GALNT11: variants seen among roughly 807,000 people sequenced by gnomAD.
GALNT11 encodes the protein UDP-GalNAc:polypeptide N-acetylgalactosaminyltransferase 11.
A neutral mutation model predicts 72.7 loss-of-function variants in GALNT11; 47 were observed. That is an observed-to-expected ratio of 0.65 (90% CI 0.51 to 0.82). The LOEUF (loss-of-function observed/expected upper bound fraction) is 0.82. Among genes scored for constraint, GALNT11 ranks in the 40% least tolerant of loss-of-function variants. GALNT11 has a pLI of 0.00. For missense variants in GALNT11, 677 were observed against 778.4 expected (o/e 0.87, Z 1.55); for synonymous variants, 270 against 286.6 (o/e 0.94, Z 0.58).
intron 1 of GALNT11, chr7:152,079,558 C>A (rs904274296): frequency 6.6e-6 from 1 of 152,194 alleles, no homozygotes; most frequent in African/African-American, 2.4e-5. Flanking sequence ...TTTCGATTGT[C>A]TTACAGAGAA....
chr7:152,086,129 G>A (rs2085635781), intron 1 of GALNT11, among the ~76,000 whole-genome samples: 1 of 151,404 alleles, frequency 6.6e-6, no homozygotes, highest in Non-Finnish European at 1.5e-5. Flanking sequence ...CTCGTGATCT[G>A]CCCACCTCAG....
At chr7:152,069,980 T>C (rs952536870) in intron 1 of GALNT11, among the ~76,000 whole-genome samples, 3 of 149,336 alleles carry the variant, frequency 2.0e-5, no homozygotes, top group Non-Finnish European at 4.4e-5. Flanking sequence ...TTTCTTTCTT[T>C]TTTCTTTTTT....
chr7:152,032,885 T>C (rs986607005), intron 1 of GALNT11, among the ~76,000 whole-genome samples: 3 of 152,158 alleles, frequency 2.0e-5, no homozygotes, highest in Admixed American at 2.0e-4. Context: ...GAGCAAAGTC[T>C]CCCAATTACA....
chr7:152,037,709 A>T (rs1299309228), intron 1 of GALNT11, among the ~76,000 whole-genome samples: 4 of 151,854 alleles, frequency 2.6e-5, no homozygotes, highest in African/African-American at 9.7e-5. Flanking sequence ...TTTTAACAGT[A>T]TTGATTCTTC....
intron 8 of GALNT11, among the ~76,000 whole-genome samples, chr7:152,114,738 G>GT (rs2088660423): frequency 6.6e-6 from 1 of 151,962 alleles, no homozygotes; most frequent in Admixed American, 6.6e-5. Context: ...GGTTGCTGCT[G>GT]TATTTGTGTA....
chr7:152,113,095 CTTCT>C, intron 7 of GALNT11, 147 bp from the exon 8 acceptor site: 4 of 772,556 alleles, frequency 5.2e-6, no homozygotes, highest in Non-Finnish European at 8.1e-6. Flanking sequence ...TTCTCATTTC[CTTCT>C]ATTTGAATAT....
intron 8 of GALNT11, among the ~76,000 whole-genome samples, chr7:152,114,924 G>A (rs998521717): frequency 1.3e-5 from 2 of 152,190 alleles, no homozygotes; most frequent in African/African-American, 4.8e-5. Flanking sequence ...AGATGAATAA[G>A]GAAGTGCACA....
chr7:152,066,485 GT>G (rs61349717), intron 1 of GALNT11, among the ~76,000 whole-genome samples: 23,274 of 152,072 alleles, frequency 0.15, 4,289 homozygotes, highest in African/African-American at 0.44. Context: ...AATGAACCCG[GT>G]TACCTCAGTT....
At position 152,113,285 on chromosome 7, in the gene GALNT11, T is replaced by A; in HGVS notation, c.1120T>A (p.Ser374Thr). The A allele has an allele frequency of 6.2e-7, 1 of 1,614,064 alleles. No homozygotes were observed. The highest frequency in any genetic ancestry group is 8.5e-7 in the Non-Finnish European group (1 of 1,179,944). Residue 374 changes from serine to threonine, a missense_variant, in exon 8 of 12, where the codon TCT (serine) becomes ACT (threonine). Ser to Thr is a moderately conservative substitution (Grantham distance 58). Coordinates refer to ENST00000430044, the MANE Select transcript of GALNT11 (RefSeq NM_022087.4). ...CGGTAAGCTCTTCATCATCCCTTGC[T>A]CTAGAGTAGGACACATTTTCCGAAA... ...CGGKLFIIPC[S>T]RVGHIFRKRR...
At chr7:152,098,265 T>G (rs2086523103) in intron 2 of GALNT11, among the ~76,000 whole-genome samples, 1 of 151,656 alleles carries the variant, frequency 6.6e-6, no homozygotes. Flanking sequence ...CAGCTTAAGG[T>G]GGTATCTACT....
chr7:152,041,740 A>T (rs528831448), intron 1 of GALNT11, among the ~76,000 whole-genome samples: 1 of 152,230 alleles, frequency 6.6e-6, no homozygotes, highest in Non-Finnish European at 1.5e-5. Context: ...TAGATTACTC[A>T]TGGCATAGGT....
intron 1 of GALNT11, among the ~76,000 whole-genome samples, chr7:152,080,857 CT>C (rs1269572072): frequency 6.6e-6 from 1 of 151,902 alleles, no homozygotes; most frequent in East Asian, 1.9e-4. Flanking sequence ...GTAATCCCAG[CT>C]ACTCAGGAGG....
At chr7:152,119,038 G>A (rs1189889956) in intron 10 of GALNT11, 2 of 303,650 alleles carry the variant, frequency 6.6e-6, no homozygotes, top group Non-Finnish European at 1.2e-5. Context: ...AAAAGGAAGA[G>A]AGTGGCCTTA....
At chr7:152,117,668 G>A (rs1382511059) in intron 9 of GALNT11, 3 of 353,300 alleles carry the variant, frequency 8.5e-6, no homozygotes, top group Non-Finnish European at 1.5e-5. Flanking sequence ...CCATGGAAGT[G>A]TCAACTTCGT....
Position 152,108,180 on chromosome 7 carries a change from C to T in GALNT11, c.855C>T (p.Ser285=). 2 of 1,614,170 alleles carry T rather than the reference C, an allele frequency of 1.2e-6. No homozygotes were observed. The highest frequency in any genetic ancestry group is 1.7e-6 in the Non-Finnish European group (2 of 1,180,032). ...DIISADTLAY[S]SSPVVRGGFN... is the part of the protein sequence containing the mutation. ...TCAGCGCCGACACGCTGGCCTACAG[C>T]TCGTCCCCTGTCGTCCGCGGAGGGT... The change falls in exon 6 of 12, where the codon AGC becomes AGT. Residue 285 remains serine, a synonymous_variant. Coordinates refer to ENST00000430044, the MANE Select transcript of GALNT11 (RefSeq NM_022087.4).
intron 1 of GALNT11, among the ~76,000 whole-genome samples, chr7:152,076,283 C>G (rs2084973290): frequency 6.6e-6 from 1 of 152,094 alleles, no homozygotes; most frequent in South Asian, 2.1e-4. Context: ...AAGGATTTGT[C>G]AAGTTGTTCC....
chr7:152,068,177 T>C (rs1161043037), intron 1 of GALNT11, among the ~76,000 whole-genome samples: 2 of 152,164 alleles, frequency 1.3e-5, no homozygotes, highest in African/African-American at 4.8e-5. Context: ...TTGAACCCTC[T>C]GCCTCCCCAC....
chr7:152,098,065 A>C (rs1266750303), intron 2 of GALNT11, among the ~76,000 whole-genome samples: 1 of 152,234 alleles, frequency 6.6e-6, no homozygotes, highest in African/African-American at 2.4e-5. Flanking sequence ...AGAAGGAATT[A>C]GTATAAATAA....
chr7:152,070,405 CAG>C, intron 1 of GALNT11, among the ~76,000 whole-genome samples: 1 of 152,136 alleles, frequency 6.6e-6, no homozygotes. Context: ...TTCTGGAAGT[CAG>C]AAGTCTGAAA....
Sources: gnomAD v4.1 joint callset for allele counts (sites outside exome capture counted in the v4.1 genomes callset) on GRCh38, gnomAD v4.1.1 for gene constraint, MANE v1.5 for transcripts, NCBI Gene and HGNC (gene_info 2026-07-23, HGNC 2026-07-21) for gene names.